The following ATAD3C variants were observed in gnomAD, a reference collection of about 807,000 sequenced individuals.
ATAD3C encodes ATPase family AAA domain containing 3C.
A neutral mutation model predicts 46.3 loss-of-function variants in ATAD3C; 38 were observed. That is an observed-to-expected ratio of 0.82 (90% CI 0.63 to 1.08). The LOEUF is 1.08. ATAD3C is among the 50% of genes least tolerant of loss of function. The pLI is 0.00. For synonymous variants in ATAD3C, 220 were observed against 236.4 expected (o/e 0.93, Z 0.63); for missense variants, 563 against 572.7 (o/e 0.98, Z 0.17).
At chr1:1,458,348 C>T (rs1639001625) in intron 8 of ATAD3C, among the ~76,000 whole-genome samples, 1 of 151,774 alleles carries the variant, frequency 6.6e-6, no homozygotes, top group Non-Finnish European at 1.5e-5. Context: ...GATCTTGGCT[C>T]ACCGCAACCT....
Position 1,468,634 on chromosome 1 carries a change from A to G in ATAD3C, c.*104A>G, listed in dbSNP as rs1203323570. 11 of 1,576,718 alleles carry G rather than the reference A, an allele frequency of 7.0e-6. No individual in the cohort carries two copies. Among genetic ancestry groups the G allele is most frequent in the Non-Finnish European group, 9.5e-6 (11 of 1,156,324 alleles). On this transcript the variant is annotated 3_prime_UTR_variant, in exon 12 of 12. Coordinates refer to ENST00000378785, the MANE Select transcript of ATAD3C (RefSeq NM_001039211.3). ...GAAATACTCCCCGTAATAAAGTCCC[A>G]CGGGGGCCGCACCGCTGTGTCTATT...
intron 1 of ATAD3C, among the ~76,000 whole-genome samples, chr1:1,451,692 G>A (rs1486306449): frequency 1.3e-5 from 2 of 152,092 alleles, no homozygotes; most frequent in African/African-American, 2.4e-5. Flanking sequence ...CGTGTTGCCT[G>A]TTGTGGGCAT....
At chr1:1,453,170 T>C (rs1459239684) in intron 3 of ATAD3C, among the ~76,000 whole-genome samples, 1 of 152,104 alleles carries the variant, frequency 6.6e-6, no homozygotes, top group Non-Finnish European at 1.5e-5. Flanking sequence ...CGGTGTCACC[T>C]GAGGACATGA....
At chr1:1,461,097 G>C (rs561066203) in intron 10 of ATAD3C, among the ~76,000 whole-genome samples, 180 bp downstream of exon 10, 1 of 152,002 alleles carries the variant, frequency 6.6e-6, no homozygotes, top group Non-Finnish European at 1.5e-5. Context: ...ATCCAGGGAG[G>C]TCCTGCCACC....
At chr1:1,451,080 G>T (rs1339831417) in intron 1 of ATAD3C, among the ~76,000 whole-genome samples, 1 of 150,432 alleles carries the variant, frequency 6.6e-6, no homozygotes, top group African/African-American at 2.4e-5. Flanking sequence ...TTGCTCTGTC[G>T]CCCAGGCTGG....
rs768121769 is a variant in ATAD3C, at chr1:1,455,875, C to A, written c.523C>A (p.Leu175Met). Residue 175 changes from leucine (L) to methionine (M), a missense_variant, in exon 6 of 12, where the codon CTG becomes ATG. By Grantham distance (15) the Leu-to-Met change is conservative. This residue lies in a region of ATAD3C where 263 missense variants were observed against 243.1 expected (regional missense o/e 1.08). Transcript: ENST00000378785. Reference protein sequence around the residue: ...KNRGLYRHILLYGPPGTGKTL... With the variant: ...KNRGLYRHILMYGPPGTGKTL... ...CCGGGGCCTGTACAGGCACATCCTG[C>A]TGTACGGGCCACCAGGCACCGGGAA... 32 of 1,613,230 alleles carry A rather than the reference C, an allele frequency of 2.0e-5. 2 individuals are homozygous for A. The highest frequency in any genetic ancestry group is 6.6e-5 in the South Asian group (6 of 91,006).
chr1:1,455,884 C>A lies in ATAD3C; in HGVS notation c.532C>A (p.Pro178Thr), dbSNP rs1570147736. The part of the protein sequence containing the change: ...GLYRHILLYG[P>T]PGTGKTLFAK... ...GTACAGGCACATCCTGCTGTACGGG[C>A]CACCAGGCACCGGGAAGACGCTGTT... The change falls in exon 6 of 12, where the codon CCA becomes ACA. Residue 178 changes from proline (P) to threonine (T), a missense_variant. Physicochemically the swap from Pro to Thr is conservative, Grantham distance 38. Around this residue, in one of 3 missense-constraint regions of ATAD3C, gnomAD observed 263 missense variants for 243.1 expected, o/e 1.08. Transcript: ENST00000378785. The A allele has an allele frequency of 1.2e-6, 2 of 1,613,334 alleles. No homozygotes were observed. The highest frequency in any genetic ancestry group is 1.7e-6 in the Non-Finnish European group (2 of 1,179,704).
rs1639196316 is a variant in ATAD3C, at chr1:1,469,044, C to G, written c.*514C>G. ...AGCGAGGCCAAGGAGAGTGGATCAC[C>G]TGAGGTCGGGAGTTCCAGACCAGCC... On this transcript the variant is annotated 3_prime_UTR_variant, in exon 12 of 12. Coordinates refer to ENST00000378785, the MANE Select transcript of ATAD3C (RefSeq NM_001039211.3). 7.2e-6 allele frequency: 1 copy of G among 138,238 alleles called. No homozygotes were observed. Among genetic ancestry groups the G allele is most frequent in the African/African-American group, 2.8e-5 (1 of 35,856 alleles). The allele number at this position is 138,238 out of a possible 1,614,324, so 8.6% of individuals were successfully genotyped here.
chr1:1,452,104 C>T lies in ATAD3C; in HGVS notation c.134C>T (p.Thr45Ile), dbSNP rs1045333268. ...QEESVQKHHQTFLESIRAAGT... is the reference protein window; with the variant it reads ...QEESVQKHHQIFLESIRAAGT... ...GAGTCCGTGCAGAAGCACCATCAGA[C>T]CTTCTTGGAGTCCATCAGGTGAGCG... Residue 45 changes from threonine to isoleucine, a missense_variant, in exon 2 of 12, where the codon ACC becomes ATC. By Grantham distance (89) the Thr-to-Ile change is moderately conservative. Coordinates refer to ENST00000378785, the MANE Select transcript of ATAD3C (RefSeq NM_001039211.3). The T allele has an allele frequency of 4.8e-5, 78 of 1,613,460 alleles. No homozygotes were observed. The Middle Eastern group carries it at 4.9e-4, about 10-fold the overall frequency.
Position 1,450,355 on chromosome 1 carries a change from GA to G in ATAD3C, c.-323del. ...AAAAAAAAAAAAGCATGTGTAACGT[GA>G]AAAAATGGACACTTTAGCCATCGCC... On this transcript the variant is annotated 5_prime_UTR_variant, in exon 1 of 12. In the 5' UTR this introduces an upstream ATG that the reference lacks. Coordinates refer to ENST00000378785, the MANE Select transcript of ATAD3C (RefSeq NM_001039211.3). The G allele has an allele frequency of 3.8e-6, 1 of 264,924 alleles. No homozygotes were observed. The highest frequency in any genetic ancestry group is 7.3e-6 in the Non-Finnish European group (1 of 137,562). The allele number at this position is 264,924 out of a possible 1,614,324, so 16.4% of individuals were successfully genotyped here. A position where few individuals can be genotyped will look rare whatever the true frequency, so the allele number is the denominator to read the frequency against.
At chr1:1,457,672 TTTTTG>T (rs1055060239) in intron 8 of ATAD3C, among the ~76,000 whole-genome samples, 4 of 151,488 alleles carry the variant, frequency 2.6e-5, no homozygotes, top group African/African-American at 9.7e-5. Context: ...TTTTGAGTGT[TTTTTG>T]TTTTGTTTTG....
chr1:1,468,431 G>A lies in ATAD3C; in HGVS notation c.1137G>A (p.Met379Ile), dbSNP rs1451233179. Residue 379 changes from methionine (M) to isoleucine (I), a missense_variant, in exon 12 of 12, where the codon ATG (methionine) becomes ATA (isoleucine). Met to Ile is a conservative substitution (Grantham distance 10). This residue lies in a region of ATAD3C where 273 missense variants were observed against 253.5 expected (regional missense o/e 1.08). Transcript: ENST00000378785. ...ACGGGGTCCTGACCGAGGCCATGATGGACGCCTGCGTGCAAGACTTTGTCC... is the reference window on the plus strand; with the variant it reads ...ACGGGGTCCTGACCGAGGCCATGATAGACGCCTGCGTGCAAGACTTTGTCC... ...SKDGVLTEAM[M>I]DACVQDFVQQ... is the part of the protein sequence containing the mutation. 22 of 1,613,196 alleles carry A rather than the reference G, an allele frequency of 1.4e-5. No homozygotes were observed. Among genetic ancestry groups the A allele is most frequent in the Non-Finnish European group, 1.9e-5 (22 of 1,179,524 alleles).
At chr1:1,464,509 G>A (rs1433924400) in intron 11 of ATAD3C, among the ~76,000 whole-genome samples, 4 of 151,942 alleles carry the variant, frequency 2.6e-5, no homozygotes, top group East Asian at 1.9e-4. Context: ...GGTGGCTCAC[G>A]CCTGTAATCC....
chr1:1,462,169 A>G lies in ATAD3C; in HGVS notation c.981-431A>G, dbSNP rs1459395096. Among the ~76,000 whole-genome samples, 5 of 151,972 alleles carry G rather than the reference A, an allele frequency of 3.3e-5. No individual in the cohort carries two copies. On this transcript the variant is annotated intron_variant, in intron 10 of 11. Coordinates refer to ENST00000378785, the MANE Select transcript of ATAD3C (RefSeq NM_001039211.3). This position sits in a 1 kb window ranked among gnomAD's most constrained non-coding sequence, Gnocchi z 4.5. Reference sequence around the variant, plus strand: ...CGACCCCTCCACTGCCGCCTGCTCCATGCTAGACCAGCTTTCCGGGTCTCA... The same window carrying G: ...CGACCCCTCCACTGCCGCCTGCTCCGTGCTAGACCAGCTTTCCGGGTCTCA...
chr1:1,450,579 G>T lies in ATAD3C; in HGVS notation c.-105G>T. 1 of 1,431,746 alleles carries T rather than the reference G, an allele frequency of 7.0e-7. No homozygotes were observed. The highest frequency in any genetic ancestry group is 9.6e-7 in the Non-Finnish European group (1 of 1,042,544). 88.7% of individuals were successfully genotyped at this position (1,431,746 alleles called of 1,614,324 possible). ...GCAGGGCTGGGGGCTTTGAGGTCGA[G>T]GCGTGGCCGTGGATTCCAGAAAGCC... On this transcript the variant is annotated 5_prime_UTR_variant, in exon 1 of 12. The change creates a new upstream start codon in the 5' untranslated region. Coordinates refer to ENST00000378785, the MANE Select transcript of ATAD3C (RefSeq NM_001039211.3).
rs1323187825 is a variant in ATAD3C at position 1,455,451 on chromosome 1, C to T, written c.379-9C>T. On this transcript the variant is annotated splice_polypyrimidine_tract_variant and intron_variant, in intron 4 of 11. Transcript: ENST00000378785. Reference sequence around the variant, plus strand: ...AGGTGACCCAATGGTGCTTCCCCTTCCCCTCCAGCAGGTCAGCCGGCGGCT... The same window carrying T: ...AGGTGACCCAATGGTGCTTCCCCTTTCCCTCCAGCAGGTCAGCCGGCGGCT... The T allele has an allele frequency of 6.2e-7, 1 of 1,611,434 alleles. No homozygotes were observed. Among genetic ancestry groups the T allele is most frequent in the African/African-American group, 1.3e-5 (1 of 74,764 alleles).
In ATAD3C at chr1:1,458,583, G is replaced by A. The variant is rs563932057; in HGVS notation, c.742-578G>A. ...GCGTGAGCCACCGCGCCAGGCCCCAGCTAACTTTTTTGTAATGTTAGTAGA... is the reference window on the plus strand; with the variant it reads ...GCGTGAGCCACCGCGCCAGGCCCCAACTAACTTTTTTGTAATGTTAGTAGA... On this transcript the variant is annotated intron_variant, in intron 8 of 11. Coordinates refer to ENST00000378785, the MANE Select transcript of ATAD3C (RefSeq NM_001039211.3). Among the ~76,000 whole-genome samples, 51 of 151,846 alleles carry A rather than the reference G, an allele frequency of 3.4e-4. 2 individuals carry two copies. In the South Asian group the frequency reaches 0.01, roughly 30 times the overall value.
chr1:1,468,386 C>T lies in ATAD3C; in HGVS notation c.1092C>T (p.Ala364=), dbSNP rs1639179189. The T allele has an allele frequency of 2.5e-6, 4 of 1,609,136 alleles. 1 individual carries two copies. Among genetic ancestry groups the T allele is most frequent in the Non-Finnish European group, 3.4e-6 (4 of 1,178,172 alleles). Residue 364 remains alanine (A), a splice_region_variant and synonymous_variant, in exon 12 of 12, where the codon GCC becomes GCT. Transcript: ENST00000378785. ...KIAQLAVSWQ[A]TAYASKDGVL... is the part of the protein sequence containing the mutation. ...TCAGCTCCCTCTCTCCCCACTAGGCCACGGCGTATGCCTCCAAGGACGGGG... is the reference window on the plus strand; with the variant it reads ...TCAGCTCCCTCTCTCCCCACTAGGCTACGGCGTATGCCTCCAAGGACGGGG...
At chr1:1,464,158 G>C (rs1253419103) in intron 11 of ATAD3C, among the ~76,000 whole-genome samples, 1 of 149,344 alleles carries the variant, frequency 6.7e-6, no homozygotes, top group Non-Finnish European at 1.5e-5. Flanking sequence ...GGTGAGCCGA[G>C]ATCGTGCCAC....
Sources: allele counts gnomAD v4.1 joint callset (sites outside exome capture counted in the v4.1 genomes callset), GRCh38; gene constraint gnomAD v4.1.1; regional missense constraint gnomAD v4.1.1; non-coding constraint Gnocchi (gnomAD v3.1); transcripts MANE v1.5; gene names NCBI Gene and HGNC (gene_info 2026-07-23, HGNC 2026-07-21).